HRH1: variants seen among roughly 807,000 people sequenced by gnomAD.
HRH1 encodes histamine receptor H1.
Under a neutral mutation model 10.3 loss-of-function variants are expected in HRH1, and 6 were observed. The ratio of observed to expected loss-of-function variants is 0.58; its 90% CI spans 0.32 to 1.15. The LOEUF (loss-of-function observed/expected upper bound fraction) is 1.15, where lower values mean the gene tolerates loss of function less well. Among genes scored for constraint, HRH1 ranks in the 50% most tolerant of loss-of-function variants. The probability of loss-of-function intolerance (pLI) is 0.05; values close to 1 mark genes in which losing one functional copy is unlikely to be tolerated. For missense variants in HRH1, 514 were observed against 615.3 expected (o/e 0.84, Z 1.74); for synonymous variants, 242 against 236.7 (o/e 1.02, Z -0.21).
intron 1 of HRH1, among the ~76,000 whole-genome samples, chr3:11,155,468 C>T (rs563202547): frequency 2.6e-5 from 4 of 152,152 alleles, no homozygotes; most frequent in Non-Finnish European, 4.4e-5. Context: ...TCTGTTACCC[C>T]ACCCCCAGCC....
intron 1 of HRH1, among the ~76,000 whole-genome samples, chr3:11,184,749 C>G (rs906012972): frequency 3.9e-5 from 6 of 151,956 alleles, no homozygotes; most frequent in Non-Finnish European, 7.4e-5. Context: ...AACCCCGTCT[C>G]TACTAAAAAT....
At chr3:11,196,129 G>A (rs9813290) in intron 1 of HRH1, among the ~76,000 whole-genome samples, 3 of 151,904 alleles carry the variant, frequency 2.0e-5, no homozygotes, top group Non-Finnish European at 2.9e-5. Context: ...AAAGCTCCTC[G>A]GTGCCCCTGG....
intron 1 of HRH1, among the ~76,000 whole-genome samples, chr3:11,162,614 G>GTAACT (rs1393777232): frequency 6.6e-6 from 1 of 151,996 alleles, no homozygotes; most frequent in African/African-American, 2.4e-5. Flanking sequence ...GAGACATGGA[G>GTAACT]TAACTTATGC....
At chr3:11,235,990 C>T (rs138512466) in intron 1 of HRH1, among the ~76,000 whole-genome samples, 4 of 152,286 alleles carry the variant, frequency 2.6e-5, no homozygotes, top group Non-Finnish European at 5.9e-5. Flanking sequence ...ATCACTGTGT[C>T]GCTCATTGGG....
chr3:11,247,962 T>C (rs1232441053), intron 1 of HRH1, among the ~76,000 whole-genome samples: 1 of 152,200 alleles, frequency 6.6e-6, no homozygotes, highest in African/African-American at 2.4e-5. Flanking sequence ...TCATAATTCC[T>C]TTCCATTTCC....
intron 1 of HRH1, among the ~76,000 whole-genome samples, chr3:11,182,758 G>A (rs1317596846): frequency 6.6e-6 from 1 of 152,134 alleles, no homozygotes; most frequent in Admixed American, 6.5e-5. Context: ...CCTCCCAACT[G>A]CCCTGAGATG....
chr3:11,180,766 C>G (rs1046641350), intron 1 of HRH1, among the ~76,000 whole-genome samples: 4 of 152,132 alleles, frequency 2.6e-5, no homozygotes, highest in Non-Finnish European at 5.9e-5. Context: ...TGATCTACAC[C>G]GTAGCATGTG....
chr3:11,187,884 A>G (rs751259704), intron 1 of HRH1, among the ~76,000 whole-genome samples: 13 of 152,268 alleles, frequency 8.5e-5, no homozygotes, highest in Non-Finnish European at 1.8e-4. Context: ...ATAAGGTTAC[A>G]TCAACTGCTT....
chr3:11,159,997 T>C (rs550287247), intron 1 of HRH1, among the ~76,000 whole-genome samples: 3 of 152,292 alleles, frequency 2.0e-5, no homozygotes, highest in Admixed American at 2.0e-4. Context: ...TAACCAGACA[T>C]CCAGATGAAG....
intron 1 of HRH1, among the ~76,000 whole-genome samples, chr3:11,194,902 A>AT (rs780833153): frequency 5.3e-5 from 8 of 152,098 alleles, no homozygotes; most frequent in Admixed American, 2.6e-4. Flanking sequence ...CCAGTTTGAT[A>AT]TTTTTTTTCT....
chr3:11,232,134 C>T (rs1419108006), intron 1 of HRH1, among the ~76,000 whole-genome samples: 4 of 151,786 alleles, frequency 2.6e-5, no homozygotes, highest in East Asian at 1.9e-4. Context: ...AATACAGGTG[C>T]GTGCCACCGT....
intron 1 of HRH1, among the ~76,000 whole-genome samples, chr3:11,203,340 A>G (rs955165976): frequency 1.3e-5 from 2 of 152,240 alleles, no homozygotes; most frequent in Non-Finnish European, 1.5e-5. Context: ...ACTGTCTTCC[A>G]AAATGGCTGT....
At chr3:11,229,448 C>T (rs1938985079) in intron 1 of HRH1, among the ~76,000 whole-genome samples, 1 of 152,090 alleles carries the variant, frequency 6.6e-6, no homozygotes, top group African/African-American at 2.4e-5. Context: ...CAATATATGA[C>T]GAGATTTAAG....
At chr3:11,193,279 A>G (rs2343863) in intron 1 of HRH1, among the ~76,000 whole-genome samples, 46,346 of 152,136 alleles carry the variant, frequency 0.3, 7,637 homozygotes, top group African/African-American at 0.4. Flanking sequence ...CTTTTAAAAA[A>G]TATCTGACTC....
intron 1 of HRH1, among the ~76,000 whole-genome samples, chr3:11,242,232 A>G (rs191328136): frequency 6.7e-4 from 102 of 152,258 alleles, no homozygotes; most frequent in Non-Finnish European, 1.4e-3. Context: ...CTGTAATCCC[A>G]GCACTTTGGG....
chr3:11,205,112 A>T lies in HRH1; in HGVS notation c.-36+50558A>T, dbSNP rs76173499. Among the ~76,000 whole-genome samples the T allele has an allele frequency of 4.1e-4, 63 of 152,342 alleles. 1 individual carries two copies. The highest frequency in any genetic ancestry group is 1.5e-3 in the African/African-American group (63 of 41,584). On this transcript the variant is annotated intron_variant, in intron 1 of 1. Coordinates refer to ENST00000431010, the MANE Select transcript of HRH1 (RefSeq NM_001098212.2). ...ATTTCGCCAGTGACACAGGACTCTC[A>T]TCAGCGCGGCTGTTCTTGGTAGGTA...
intron 1 of HRH1, among the ~76,000 whole-genome samples, chr3:11,161,894 A>C (rs1403638236): frequency 6.6e-6 from 1 of 152,194 alleles, no homozygotes; most frequent in Non-Finnish European, 1.5e-5. Context: ...GGGCCGATAA[A>C]TAGCACTCCT....
intron 1 of HRH1, among the ~76,000 whole-genome samples, chr3:11,180,496 C>A (rs1326228709): frequency 6.6e-6 from 1 of 152,162 alleles, no homozygotes; most frequent in Non-Finnish European, 1.5e-5. Flanking sequence ...AGGCAGAGCT[C>A]AGGTGGTAAT....
chr3:11,252,434 GCA>G (rs1467119909), intron 1 of HRH1, among the ~76,000 whole-genome samples: 1 of 152,160 alleles, frequency 6.6e-6, no homozygotes, highest in Non-Finnish European at 1.5e-5. Context: ...ATGCACGAGG[GCA>G]GGGAAAATTT....
Sources: gnomAD v4.1 joint callset for allele counts (sites outside exome capture counted in the v4.1 genomes callset) on GRCh38, gnomAD v4.1.1 for gene constraint, MANE v1.5 for transcripts, NCBI Gene and HGNC (gene_info 2026-07-23, HGNC 2026-07-21) for gene names.